SLC20A2: variants seen among roughly 807,000 people sequenced by gnomAD.
The protein encoded by SLC20A2 is solute carrier family 20 member 2.
A neutral mutation model predicts 61.0 loss-of-function variants in SLC20A2; 30 were observed. The observed-to-expected ratio is 0.49, with a 90% CI of 0.37 to 0.67. SLC20A2 has a LOEUF of 0.67. SLC20A2 is among the 30% of genes least tolerant of loss of function. The probability of loss-of-function intolerance (pLI) is 0.00; values close to 1 mark genes in which losing one functional copy is unlikely to be tolerated. For missense variants in SLC20A2, 626 were observed against 866.4 expected (o/e 0.72, Z 3.48); for synonymous variants, 351 against 353.3 (o/e 0.99, Z 0.07).
intron 5 of SLC20A2, among the ~76,000 whole-genome samples, chr8:42,456,793 C>T (rs975301193): frequency 6.6e-6 from 1 of 151,870 alleles, no homozygotes; most frequent in Admixed American, 6.6e-5. Flanking sequence ...AGTTCACTTC[C>T]AACCCAGTGC....
intron 7 of SLC20A2, among the ~76,000 whole-genome samples, chr8:42,438,740 G>A (rs1387504544): frequency 2.0e-5 from 3 of 151,866 alleles, no homozygotes; most frequent in Admixed American, 1.3e-4. Context: ...TTTTTGAGAT[G>A]GAATCTCACT....
chr8:42,540,443 G>A (rs989121579), intron 1 of SLC20A2, among the ~76,000 whole-genome samples: 12 of 152,028 alleles, frequency 7.9e-5, no homozygotes, highest in African/African-American at 2.9e-4. Context: ...AACATCACCT[G>A]TTATTTTCCT....
rs368008280 is a variant in SLC20A2, at chr8:42,434,020, CT to C, written c.1523+2968del. ...TCTACATCCTTGACAACACTTGTTA[CT>C]TTTTTTTTTAAGTGGTAGCCATCCT... On this transcript the variant is annotated intron_variant, in intron 8 of 10. Coordinates refer to ENST00000520262, the MANE Select transcript of SLC20A2 (RefSeq NM_001257180.2). Among the ~76,000 whole-genome samples the C allele has an allele frequency of 1.7e-4, 26 of 149,450 alleles. 1 individual carries two copies. Among genetic ancestry groups the C allele is most frequent in the South Asian group, 1.3e-3 (6 of 4,722 alleles).
chr8:42,477,618 G>A (rs112423199), intron 1 of SLC20A2, among the ~76,000 whole-genome samples: 11,941 of 149,456 alleles, frequency 0.08, 1,438 homozygotes, highest in African/African-American at 0.27. Context: ...TTAAAGGCAC[G>A]CACCACCATG....
intron 3 of SLC20A2, 171 bp from the exon 4 acceptor site, chr8:42,463,261 C>A (rs1474334198): frequency 2.2e-5 from 11 of 499,596 alleles, no homozygotes; most frequent in Non-Finnish European, 3.2e-5. Context: ...CAGAGCTGAC[C>A]TTCACACATT....
At chr8:42,433,830 A>C (rs1454197027) in intron 8 of SLC20A2, among the ~76,000 whole-genome samples, 1 of 152,192 alleles carries the variant, frequency 6.6e-6, no homozygotes, top group African/African-American at 2.4e-5. Flanking sequence ...TGGTACAAAT[A>C]TCTCTTTGAG....
rs182957023 is a variant in SLC20A2, at chr8:42,454,102, C to G, written c.613+5794G>C. Among the ~76,000 whole-genome samples, 197 of 152,302 alleles carry G rather than the reference C, an allele frequency of 1.3e-3. 5 individuals are homozygous for G. The highest frequency in any genetic ancestry group is 0.013 in the Admixed American group (195 of 15,288). On this transcript the variant is annotated intron_variant, in intron 5 of 10. Coordinates refer to ENST00000520262, the MANE Select transcript of SLC20A2 (RefSeq NM_001257180.2). ...CACTGTAAGCTCCCCCTACTAGGTTCATGCCATTCTCCTGCCTCAGCCTCC... is the reference window on the plus strand; with the variant it reads ...CACTGTAAGCTCCCCCTACTAGGTTGATGCCATTCTCCTGCCTCAGCCTCC...
intron 1 of SLC20A2, among the ~76,000 whole-genome samples, chr8:42,514,753 G>A (rs1348363847): frequency 1.4e-5 from 2 of 141,110 alleles, no homozygotes; most frequent in Non-Finnish European, 3.1e-5. Flanking sequence ...GTAATACTCT[G>A]TTTGAAAAAA....
At chr8:42,448,818 C>T (rs907859179) in intron 5 of SLC20A2, among the ~76,000 whole-genome samples, 2 of 152,142 alleles carry the variant, frequency 1.3e-5, no homozygotes, top group Non-Finnish European at 2.9e-5. Flanking sequence ...CAGGATCTTA[C>T]TGAAGTATTC....
chr8:42,526,406 G>T (rs879545378), intron 1 of SLC20A2, among the ~76,000 whole-genome samples: 2 of 151,924 alleles, frequency 1.3e-5, no homozygotes, highest in Non-Finnish European at 2.9e-5. Context: ...GGGTGTGGTG[G>T]CTCACGCCTG....
At chr8:42,536,606 G>A (rs960021464) in intron 1 of SLC20A2, 4 of 152,132 alleles carry the variant, frequency 2.6e-5, no homozygotes, top group African/African-American at 9.7e-5. Flanking sequence ...GAAATTTATA[G>A]GCCCTCATCT....
intron 1 of SLC20A2, among the ~76,000 whole-genome samples, chr8:42,473,607 G>A (rs952297990): frequency 6.6e-6 from 1 of 152,140 alleles, no homozygotes; most frequent in Non-Finnish European, 1.5e-5. Flanking sequence ...CACTGTTCCT[G>A]CTTCTGGGAG....
intron 10 of SLC20A2, chr8:42,419,810 TTTAATTTGCGTATCTTTA>T (rs1309006697): frequency 3.2e-5 from 7 of 219,582 alleles, no homozygotes; most frequent in Non-Finnish European, 5.4e-5. Context: ...CTGTTGCTGT[TTTAATTTGCGTATCTTTA>T]ATTACAATTA....
At position 42,520,762 on chromosome 8, in the gene SLC20A2, C is replaced by A. The variant is rs1019201574; in HGVS notation, c.-265+21059G>T. Among the ~76,000 whole-genome samples the A allele has an allele frequency of 1.6e-4, 18 of 114,780 alleles. 4 individuals are homozygous for A. Among genetic ancestry groups the A allele is most frequent in the African/African-American group, 3.7e-4 (14 of 38,026 alleles). The allele number at this position is 114,780 out of a possible 152,430, so 75.3% of individuals were successfully genotyped here. On this transcript the variant is annotated intron_variant, in intron 1 of 10. Coordinates refer to the SLC20A2 transcript ENST00000342228. Reference sequence around the variant, plus strand: ...ACAAAAAACAAACCAAAAAAAAAAACCCCATTACTTGAAATATTTTCCCCA... The same window carrying A: ...ACAAAAAACAAACCAAAAAAAAAAAACCCATTACTTGAAATATTTTCCCCA...
chr8:42,536,167 G>A (rs1409554357), intron 1 of SLC20A2, among the ~76,000 whole-genome samples: 3 of 152,130 alleles, frequency 2.0e-5, no homozygotes, highest in African/African-American at 7.2e-5. Context: ...ACAAGGTATA[G>A]GTCAATATTC....
rs1022247339 is a variant in SLC20A2, at chr8:42,417,708, C to A, written c.*95G>T. The A allele has an allele frequency of 1.5e-6, 2 of 1,370,306 alleles. No individual in the cohort carries two copies. Among genetic ancestry groups the A allele is most frequent in the African/African-American group, 1.4e-5 (1 of 70,302 alleles). 84.9% of individuals were successfully genotyped at this position (1,370,306 alleles called of 1,614,324 possible). ...GAGCTGGTCATGAGAGAGCCGTGCA[C>A]GGCCAGGATGTGTATGTGCGGCACG... On this transcript the variant is annotated 3_prime_UTR_variant, in exon 11 of 11. Coordinates refer to ENST00000520262, the MANE Select transcript of SLC20A2 (RefSeq NM_001257180.2).
chr8:42,463,256 C>G, intron 3 of SLC20A2, 166 bp from the exon 4 acceptor site: 1 of 506,060 alleles, frequency 2.0e-6, no homozygotes. Flanking sequence ...CTTGGCAGAG[C>G]TGACCTTCAC....
chr8:42,525,419 C>A (rs576943123), intron 1 of SLC20A2, among the ~76,000 whole-genome samples: 2 of 151,376 alleles, frequency 1.3e-5, no homozygotes, highest in African/African-American at 2.4e-5. Flanking sequence ...CCGTCTGTAC[C>A]ACAAATACAA....
chr8:42,538,025 G>C (rs1277823001), intron 1 of SLC20A2: 1 of 152,084 alleles, frequency 6.6e-6, no homozygotes, highest in South Asian at 2.1e-4. Context: ...TACTTCAAAG[G>C]ATTGTTGTGA....
Sources: allele counts gnomAD v4.1 joint callset (sites outside exome capture counted in the v4.1 genomes callset), GRCh38; gene constraint gnomAD v4.1.1; transcripts MANE v1.5; gene names NCBI Gene and HGNC (gene_info 2026-07-23, HGNC 2026-07-21).